Variants in ANTXR1 observed in about 807,000 individuals in gnomAD.
The protein encoded by ANTXR1 is anthrax toxin receptor 1.
Under a neutral mutation model 78.1 loss-of-function variants are expected in ANTXR1, and 19 were observed. The observed-to-expected ratio is 0.24, with a 90% CI of 0.17 to 0.36. ANTXR1 has a LOEUF of 0.36. Ranked by LOEUF, ANTXR1 falls within the 10% of genes least tolerant of loss-of-function variation. The pLI, the probability that ANTXR1 is intolerant of heterozygous loss-of-function variation, is 1.00. For synonymous variants in ANTXR1, 273 were observed against 260.5 expected (o/e 1.05, Z -0.46); for missense variants, 518 against 718.6 (o/e 0.72, Z 3.19).
intron 17 of ANTXR1, among the ~76,000 whole-genome samples, chr2:69,221,459 T>TAAAGTAAAAATA (rs1310465544): frequency 9.2e-5 from 14 of 152,064 alleles, no homozygotes; most frequent in Admixed American, 3.9e-4. Flanking sequence ...GATCTAAGAA[T>TAAAGTAAAAATA]AAAGTAAAAA....
chr2:69,196,598 G>C (rs1674673265), intron 17 of ANTXR1, among the ~76,000 whole-genome samples: 1 of 152,148 alleles, frequency 6.6e-6, no homozygotes, highest in Admixed American at 6.5e-5. Context: ...CACTAGAGAG[G>C]CCTGCCTTGC....
rs926903973 is a variant in ANTXR1, at chr2:69,170,401, C to G, written c.1089+112C>G. ...CTGCAGAGCAGAGCTAAGTCAAGCT[C>G]AAAGGATTTAATGTACCTGCCTGTG... On this transcript the variant is annotated intron_variant, in intron 14 of 17. Coordinates refer to ENST00000303714, the MANE Select transcript of ANTXR1 (RefSeq NM_032208.3). The G allele has an allele frequency of 1.0e-5, 13 of 1,290,790 alleles. No individual in the cohort carries two copies. The African/African-American group carries it at 1.3e-4, about 13-fold the overall frequency. 80.0% of individuals were successfully genotyped at this position (1,290,790 alleles called of 1,614,324 possible).
chr2:69,140,626 T>C (rs1673045144), intron 12 of ANTXR1, among the ~76,000 whole-genome samples: 1 of 152,206 alleles, frequency 6.6e-6, no homozygotes, highest in Non-Finnish European at 1.5e-5. Flanking sequence ...AGATTTTCTT[T>C]TGGGGGCCTA....
intron 5 of ANTXR1, among the ~76,000 whole-genome samples, chr2:69,072,534 G>A (rs750436124): frequency 6.6e-6 from 1 of 152,148 alleles, no homozygotes; most frequent in Non-Finnish European, 1.5e-5. Flanking sequence ...AATTCTAGTA[G>A]GTTTTGCCAA....
At chr2:69,245,202 C>T in intron 17 of ANTXR1, 23 bp from the exon 18 acceptor site, 1 of 1,614,002 alleles carries the variant, frequency 6.2e-7, no homozygotes, top group Non-Finnish European at 8.5e-7. Context: ...GCTCACGTTT[C>T]CTTCTCTCCA....
rs923628411 is a variant in ANTXR1 at position 69,168,190 on chromosome 2, T to C, written c.1048-2058T>C. On this transcript the variant is annotated intron_variant, in intron 13 of 17. Transcript: ENST00000303714. ...AGGCATTTAGTATATGCAGGGGGGG[T>C]ATGAAAGATGTAATCAAGGTAAGAG... 1.4e-4 allele frequency among the ~76,000 whole-genome samples: 22 copies of C among 151,744 alleles called. 1 individual carries two copies. Among genetic ancestry groups the C allele is most frequent in the African/African-American group, 4.8e-4 (20 of 41,330 alleles).
intron 16 of ANTXR1, among the ~76,000 whole-genome samples, chr2:69,186,921 T>C (rs893891794): frequency 7.9e-5 from 12 of 151,340 alleles, no homozygotes; most frequent in Non-Finnish European, 1.5e-4. Flanking sequence ...TCAGGGAGAG[T>C]GACCCATCCA....
At chr2:69,164,324 C>T (rs1673768951) in intron 13 of ANTXR1, among the ~76,000 whole-genome samples, 1 of 152,174 alleles carries the variant, frequency 6.6e-6, no homozygotes, top group Non-Finnish European at 1.5e-5. Flanking sequence ...ATCTTAACTA[C>T]TGAAGAAACA....
At chr2:69,119,482 T>A (rs138656688) in intron 10 of ANTXR1, among the ~76,000 whole-genome samples, 88 of 152,372 alleles carry the variant, frequency 5.8e-4, no homozygotes, top group African/African-American at 2.0e-3. Flanking sequence ...CAGCCACGCC[T>A]GTCCCCAGTT....
At chr2:69,165,340 C>T (rs1468559653) in intron 13 of ANTXR1, among the ~76,000 whole-genome samples, 1 of 152,200 alleles carries the variant, frequency 6.6e-6, no homozygotes, top group Non-Finnish European at 1.5e-5. Flanking sequence ...GCAGGAAGTG[C>T]CCTGCATTCA....
At chr2:69,024,430 A>C (rs2104002301) in intron 1 of ANTXR1, among the ~76,000 whole-genome samples, 1 of 152,350 alleles carries the variant, frequency 6.6e-6, no homozygotes, top group Non-Finnish European at 1.5e-5. Flanking sequence ...AGATGGCCAA[A>C]GTCCAACCCA....
chr2:69,111,546 A>G (rs1398010936), intron 10 of ANTXR1, among the ~76,000 whole-genome samples: 1 of 152,246 alleles, frequency 6.6e-6, no homozygotes, highest in Non-Finnish European at 1.5e-5. Context: ...GATTCATTAT[A>G]TTATAGGCAC....
intron 17 of ANTXR1, among the ~76,000 whole-genome samples, chr2:69,226,654 T>G (rs541893704): frequency 6.6e-6 from 1 of 152,110 alleles, no homozygotes. Flanking sequence ...GGAGGAACCA[T>G]TGAAATAGAA....
chr2:69,045,264 T>C (rs1669730335), intron 3 of ANTXR1, among the ~76,000 whole-genome samples: 2 of 152,178 alleles, frequency 1.3e-5, no homozygotes, highest in South Asian at 4.1e-4. Flanking sequence ...GGAGGGCTTA[T>C]GGTACCACAA....
chr2:69,202,524 A>C (rs1674797436), intron 17 of ANTXR1, among the ~76,000 whole-genome samples: 1 of 152,192 alleles, frequency 6.6e-6, no homozygotes, highest in Non-Finnish European at 1.5e-5. Context: ...GAGCGTGATT[A>C]AGTGCGTGTG....
At chr2:69,021,753 A>G (rs554101951) in intron 1 of ANTXR1, among the ~76,000 whole-genome samples, 4 of 152,346 alleles carry the variant, frequency 2.6e-5, no homozygotes, top group East Asian at 3.9e-4. Context: ...GAAAACGTAT[A>G]ATTATAGCTT....
intron 17 of ANTXR1, among the ~76,000 whole-genome samples, chr2:69,236,088 T>C (rs1267129476): frequency 6.6e-6 from 1 of 152,166 alleles, no homozygotes; most frequent in African/African-American, 2.4e-5. Flanking sequence ...ACCCAATCAC[T>C]TCTCTTTCTC....
chr2:69,014,648 C>T (rs762264087), intron 1 of ANTXR1, among the ~76,000 whole-genome samples: 4 of 152,162 alleles, frequency 2.6e-5, no homozygotes, highest in Non-Finnish European at 2.9e-5. Context: ...ACAGAAGATC[C>T]GTGCTCATTA....
intron 1 of ANTXR1, among the ~76,000 whole-genome samples, chr2:69,023,454 T>C (rs1431318280): frequency 6.6e-6 from 1 of 151,106 alleles, no homozygotes; most frequent in Non-Finnish European, 1.5e-5. Flanking sequence ...GTAGTAGTGA[T>C]GATAGTGATG....
Sources: gnomAD v4.1 joint callset for allele counts (sites outside exome capture counted in the v4.1 genomes callset) on GRCh38, gnomAD v4.1.1 for gene constraint, MANE v1.5 for transcripts, NCBI Gene and HGNC (gene_info 2026-07-23, HGNC 2026-07-21) for gene names.